The following ATP6V0D1 variants were observed in gnomAD, a reference collection of about 807,000 sequenced individuals.
ATP6V0D1 encodes the protein V-type proton ATPase subunit d 1.
A neutral mutation model predicts 39.0 loss-of-function variants in ATP6V0D1; 13 were observed. The observed-to-expected ratio is 0.33, with a 90% CI of 0.22 to 0.53. The LOEUF is 0.53. Among genes scored for constraint, ATP6V0D1 ranks in the 20% least tolerant of loss-of-function variants. ATP6V0D1 has a pLI of 0.94. For synonymous variants in ATP6V0D1, 191 were observed against 191.2 expected (o/e 1.00, Z 0.01); for missense variants, 272 against 470.9 (o/e 0.58, Z 3.91).
At chr16:67,452,453 C>A in intron 2 of ATP6V0D1, 1 of 1,497,382 alleles carries the variant, frequency 6.7e-7, no homozygotes, top group Non-Finnish European at 9.0e-7. Context: ...TCAGGCCAGG[C>A]AGCAGGCATC....
At chr16:67,438,720 T>A (rs1362068041) in intron 7 of ATP6V0D1, 31 bp from the exon 8 acceptor site, 7 of 1,614,030 alleles carry the variant, frequency 4.3e-6, no homozygotes. Context: ...GGTGTCCAGG[T>A]GGCCATGGCC....
chr16:67,439,816 A>C (rs961775592), intron 4 of ATP6V0D1: 1 of 175,426 alleles, frequency 5.7e-6, no homozygotes, highest in Non-Finnish European at 1.2e-5. Flanking sequence ...GGTCAGTTCA[A>C]GACCAGCCTG....
At chr16:67,473,355 C>CTT (rs555687265) in intron 1 of ATP6V0D1, among the ~76,000 whole-genome samples, 1 of 145,566 alleles carries the variant, frequency 6.9e-6, no homozygotes, top group Non-Finnish European at 1.5e-5. Context: ...AGTTTTAGGA[C>CTT]TTTTTTTTTT....
chr16:67,473,758 C>T (rs2041393623), intron 1 of ATP6V0D1, among the ~76,000 whole-genome samples: 2 of 152,100 alleles, frequency 1.3e-5, no homozygotes, highest in South Asian at 2.1e-4. Context: ...CTCCTGACCT[C>T]GTGATCTGCC....
chr16:67,452,434 G>T, intron 2 of ATP6V0D1: 1 of 1,530,486 alleles, frequency 6.5e-7, no homozygotes. Flanking sequence ...TAACTGCAGG[G>T]GATAAGAATC....
chr16:67,466,453 C>T (rs771282587), intron 1 of ATP6V0D1, among the ~76,000 whole-genome samples: 10 of 151,492 alleles, frequency 6.6e-5, no homozygotes, highest in Non-Finnish European at 1.2e-4. Context: ...CACTTGAACA[C>T]GGGAGGCGGA....
chr16:67,464,529 C>T (rs1353030570), intron 1 of ATP6V0D1, among the ~76,000 whole-genome samples: 1 of 152,204 alleles, frequency 6.6e-6, no homozygotes, highest in Non-Finnish European at 1.5e-5. Flanking sequence ...GCAACCCAGC[C>T]CCTGAGGGCC....
rs747896210 is a variant in ATP6V0D1 at position 67,481,112 on chromosome 16, G to C, written c.-26C>G. The C allele has an allele frequency of 6.2e-7, 1 of 1,613,310 alleles. No individual in the cohort carries two copies. The highest frequency in any genetic ancestry group is 2.2e-5 in the East Asian group (1 of 44,862). Reference sequence around the variant, plus strand: ...GGCTGCTGCGGGAGCGGCGGGACCGGAGAACCAGGACCGGCCGGCACGAAT... The same window carrying C: ...GGCTGCTGCGGGAGCGGCGGGACCGCAGAACCAGGACCGGCCGGCACGAAT... On this transcript the variant is annotated 5_prime_UTR_variant, in exon 1 of 8. Coordinates refer to ENST00000290949, the MANE Select transcript of ATP6V0D1 (RefSeq NM_004691.5).
At chr16:67,468,722 T>G (rs2041349957) in intron 1 of ATP6V0D1, among the ~76,000 whole-genome samples, 1 of 152,118 alleles carries the variant, frequency 6.6e-6, no homozygotes, top group Admixed American at 6.6e-5. Flanking sequence ...AGCATTTCCG[T>G]CTCTGCCATC....
chr16:67,480,176 G>C lies in ATP6V0D1; in HGVS notation c.130+781C>G, dbSNP rs1263641351. Among the ~76,000 whole-genome samples, 16 of 100,564 alleles carry C rather than the reference G, an allele frequency of 1.6e-4. No individual in the cohort carries two copies. In the East Asian group the frequency reaches 3.4e-3, roughly 21 times the overall value. 66.0% of individuals were successfully genotyped at this position (100,564 alleles called of 152,430 possible). A position where few individuals can be genotyped will look rare whatever the true frequency, so the allele number is the denominator to read the frequency against. On this transcript the variant is annotated intron_variant, in intron 1 of 7. Transcript: ENST00000290949. The stretch of plus-strand genomic sequence containing the variant: ...ATCCCGCCACTGCACTCCAGCCTGG[G>C]CGACAGAGCGAGACTCCGTCTCAAA...
chr16:67,438,410 C>A lies in ATP6V0D1; in HGVS notation c.*118G>T. 7.9e-7 allele frequency: 1 copy of A among 1,272,148 alleles called. No individual in the cohort carries two copies. The highest frequency in any genetic ancestry group is 2.1e-5 in the Admixed American group (1 of 48,162). The allele number at this position is 1,272,148 out of a possible 1,614,324, so 78.8% of individuals were successfully genotyped here. A position where few individuals can be genotyped will look rare whatever the true frequency, so the allele number is the denominator to read the frequency against. ...AGCCGCTAGGACAGCGTACTACACC[C>A]CGGACAGGCAGGTGAGCCACAGGCT... On this transcript the variant is annotated 3_prime_UTR_variant, in exon 8 of 8. Coordinates refer to ENST00000290949, the MANE Select transcript of ATP6V0D1 (RefSeq NM_004691.5).
intron 2 of ATP6V0D1, among the ~76,000 whole-genome samples, chr16:67,451,274 G>A (rs2041177126): frequency 6.6e-6 from 1 of 152,212 alleles, no homozygotes; most frequent in African/African-American, 2.4e-5. Context: ...GTGGGACCAT[G>A]AGTCGGGCGG....
Position 67,464,973 on chromosome 16 carries a change from G to C in ATP6V0D1, c.131-11258C>G, listed in dbSNP as rs2041317586. ...CACTGCCCCTTGTGCCTACTCCTTG[G>C]TCCTTCAGGGGAGTTGCTAGGTTTG... On this transcript the variant is annotated intron_variant, in intron 1 of 7. Transcript: ENST00000290949. 2.0e-5 allele frequency among the ~76,000 whole-genome samples: 3 copies of C among 152,214 alleles called. No homozygotes were observed. The South Asian group carries it at 6.2e-4, about 31-fold the overall frequency.
chr16:67,470,148 G>A (rs2041361445), intron 1 of ATP6V0D1, among the ~76,000 whole-genome samples: 1 of 152,126 alleles, frequency 6.6e-6, no homozygotes, highest in South Asian at 2.1e-4. Context: ...CTACCAACAA[G>A]GCTGGCATAA....
chr16:67,459,315 A>C, intron 1 of ATP6V0D1: 1 of 964,362 alleles, frequency 1.0e-6, no homozygotes, highest in Non-Finnish European at 1.2e-6. Flanking sequence ...TCCCACCTCC[A>C]CAGGCCGGCC....
In ATP6V0D1 at chr16:67,447,129, G is replaced by C. The variant is rs2041126305; in HGVS notation, c.303-2423C>G. ...CCCACTCAGGGCATCTGTTTATGTG[G>C]GGGAAATGCTGAGCCTAGTAAGGGC... On this transcript the variant is annotated intron_variant, in intron 2 of 7. Transcript: ENST00000290949. This position sits in a 1 kb window ranked among gnomAD's most constrained non-coding sequence, Gnocchi z 4.1. 6.6e-6 allele frequency among the ~76,000 whole-genome samples: 1 copy of C among 152,168 alleles called. No homozygotes were observed.
rs528039739 is a variant in ATP6V0D1 at position 67,474,960 on chromosome 16, A to G, written c.130+5997T>C. Among the ~76,000 whole-genome samples, 4 of 152,238 alleles carry G rather than the reference A, an allele frequency of 2.6e-5. No individual in the cohort carries two copies. The South Asian group carries it at 8.3e-4, about 32-fold the overall frequency. The stretch of plus-strand genomic sequence containing the variant: ...CCTTCTTGCCCAACGCTCAAGTCCT[A>G]TCAAATCCCCTTCCTAAAATTCTCC... On this transcript the variant is annotated intron_variant, in intron 1 of 7. Transcript: ENST00000290949.
chr16:67,459,915 G>A (rs918392070), intron 1 of ATP6V0D1, among the ~76,000 whole-genome samples: 2 of 152,234 alleles, frequency 1.3e-5, no homozygotes, highest in Non-Finnish European at 2.9e-5. Flanking sequence ...CTCCCCCATG[G>A]CCTCATGGCC....
rs1365735194 is a variant in ATP6V0D1, at chr16:67,439,131, C to T, written c.656G>A (p.Arg219His). ...AGAATTGATGGTGATGATGAAGGCG[C>T]GGCGGTCTGCTTCAAACTGTGGAGC... ...CPILEFEADR[R>H]AFIITINSFG... is the part of the protein sequence containing the mutation. Residue 219 changes from arginine to histidine, a missense_variant, in exon 6 of 8, where the codon CGC (arginine) becomes CAC (histidine). By Grantham distance (29) the Arg-to-His change is conservative (BLOSUM62 0). Around this residue, in one of 4 missense-constraint regions of ATP6V0D1, gnomAD observed 135 missense variants for 273.8 expected, o/e 0.49. Transcript: ENST00000290949. 1.9e-6 allele frequency: 3 copies of T among 1,613,958 alleles called. No homozygotes were observed. The highest frequency in any genetic ancestry group is 2.2e-5 in the East Asian group (1 of 44,890).
Sources: gnomAD v4.1 joint callset for allele counts (sites outside exome capture counted in the v4.1 genomes callset) on GRCh38, gnomAD v4.1.1 for gene constraint, gnomAD v4.1.1 regional missense constraint, Gnocchi (gnomAD v3.1) non-coding constraint, MANE v1.5 for transcripts, NCBI Gene and HGNC (gene_info 2026-07-23, HGNC 2026-07-21) for gene names.